The following MAPKAPK2 variants were observed in gnomAD, a reference collection of about 807,000 sequenced individuals.
MAPKAPK2 encodes the protein MAPK activated protein kinase 2.
A neutral mutation model predicts 48.8 loss-of-function variants in MAPKAPK2; 9 were observed. The ratio of observed to expected loss-of-function variants is 0.18; its 90% CI spans 0.11 to 0.32. MAPKAPK2 has a LOEUF of 0.32. Among genes scored for constraint, MAPKAPK2 ranks in the 10% least tolerant of loss-of-function variants. The pLI is 1.00. For missense variants in MAPKAPK2, 331 were observed against 498.3 expected (o/e 0.66, Z 3.20); for synonymous variants, 202 against 190.6 (o/e 1.06, Z -0.49).
intron 1 of MAPKAPK2, chr1:206,696,169 A>G: frequency 4.5e-6 from 7 of 1,568,018 alleles, no homozygotes; most frequent in Non-Finnish European, 2.6e-6. Flanking sequence ...GAAGGATGCA[A>G]AGATATGGCA....
intron 1 of MAPKAPK2, among the ~76,000 whole-genome samples, chr1:206,715,653 G>C (rs1673305277): frequency 6.8e-6 from 1 of 146,122 alleles, no homozygotes; most frequent in Non-Finnish European, 1.5e-5. Context: ...TTGAGATAGG[G>C]TCTCACTCTG....
chr1:206,695,754 G>T (rs898651048), intron 1 of MAPKAPK2: 1 of 274,094 alleles, frequency 3.6e-6, no homozygotes. Context: ...CATGTGCAAG[G>T]CATCTCTCTC....
At chr1:206,717,971 A>G (rs1553430631) in intron 1 of MAPKAPK2, among the ~76,000 whole-genome samples, 1 of 152,168 alleles carries the variant, frequency 6.6e-6, no homozygotes, top group Non-Finnish European at 1.5e-5. Context: ...AAAAACTTAA[A>G]CATCTACAAT....
chr1:206,731,290 G>A lies in MAPKAPK2; in HGVS notation c.892+28G>A. The A allele has an allele frequency of 6.2e-7, 1 of 1,611,088 alleles. No homozygotes were observed. The highest frequency in any genetic ancestry group is 2.2e-5 in the East Asian group (1 of 44,848). ...AAGAACCCAGGCTTTCAGGACAAGG[G>A]GAAGAGCCCGTGTGTGTGTGTGTGT... is the stretch of plus-strand genomic sequence containing the variant. On this transcript the variant is annotated intron_variant, in intron 7 of 9. Transcript: ENST00000367103. This position sits in a 1 kb window ranked among gnomAD's most constrained non-coding sequence, Gnocchi z 5.9.
At chr1:206,688,604 A>G (rs189124447) in intron 1 of MAPKAPK2, among the ~76,000 whole-genome samples, 7 of 152,016 alleles carry the variant, frequency 4.6e-5, no homozygotes, top group Admixed American at 4.6e-4. Flanking sequence ...CTTACTTACT[A>G]TTTTTTGTAC....
At chr1:206,711,875 G>A (rs528392600) in intron 1 of MAPKAPK2, among the ~76,000 whole-genome samples, 8 of 152,064 alleles carry the variant, frequency 5.3e-5, no homozygotes, top group South Asian at 2.1e-4. Flanking sequence ...CATCTGCCTC[G>A]GCCTCTCAAA....
chr1:206,724,994 C>CTAATTTTACTTTT (rs777795193), intron 1 of MAPKAPK2, among the ~76,000 whole-genome samples: 16,036 of 152,164 alleles, frequency 0.11, 1,165 homozygotes, highest in Middle Eastern at 0.16. Flanking sequence ...ATGAGGAAAC[C>CTAATTTTACTTTT]CTTTCCAGAA....
chr1:206,691,269 A>G (rs1469529361), intron 1 of MAPKAPK2, among the ~76,000 whole-genome samples: 1 of 151,938 alleles, frequency 6.6e-6, no homozygotes, highest in Non-Finnish European at 1.5e-5. Flanking sequence ...TTTGGTTGCT[A>G]GAAGACTGTA....
intron 5 of MAPKAPK2, 96 bp from the exon 6 acceptor site, chr1:206,730,592 C>A: frequency 2.8e-6 from 3 of 1,069,544 alleles, no homozygotes; most frequent in South Asian, 2.6e-5. Context: ...TCATGATAGG[C>A]TGAAAGGTTG....
chr1:206,728,872 C>T (rs1459637590), intron 2 of MAPKAPK2, 23 bp downstream of exon 2: 2 of 1,612,908 alleles, frequency 1.2e-6, no homozygotes, highest in African/African-American at 2.7e-5. Flanking sequence ...TGTTCTAGTC[C>T]CGGCCCAGCC....
Position 206,731,545 on chromosome 1 carries a change from C to G in MAPKAPK2, c.893-95C>G. On this transcript the variant is annotated intron_variant, in intron 7 of 9. Transcript: ENST00000367103. The surrounding 1 kb of genome is among the most constrained non-coding windows in gnomAD (Gnocchi z 5.9). The stretch of plus-strand genomic sequence containing the variant: ...CCGGCAGCCTGCCTCCATGCACCCC[C>G]TCTTTGAACCTGGTTTCCCCATGAA... 1.7e-6 allele frequency: 2 copies of G among 1,209,864 alleles called. No individual in the cohort carries two copies. Among genetic ancestry groups the G allele is most frequent in the Admixed American group, 3.4e-5 (2 of 58,906 alleles). The allele number at this position is 1,209,864 out of a possible 1,614,324, so 74.9% of individuals were successfully genotyped here.
Position 206,730,025 on chromosome 1 carries a change from T to C in MAPKAPK2, c.618T>C (p.Thr206=). The C allele has an allele frequency of 6.2e-7, 1 of 1,614,262 alleles. No individual in the cohort carries two copies. The highest frequency in any genetic ancestry group is 8.5e-7 in the Non-Finnish European group (1 of 1,180,036). The stretch of plus-strand genomic sequence containing the variant: ...GGCCCAACGCCATCCTGAAACTCAC[T>C]GACTTTGGCTTTGCCAAGGAAACCA... ...SKRPNAILKL[T]DFGFAKETTS... The change falls in exon 5 of 10, where the codon ACT becomes ACC. Residue 206 remains threonine (T), a synonymous_variant. Coordinates refer to ENST00000367103, the MANE Select transcript of MAPKAPK2 (RefSeq NM_032960.4).
rs1673975314 is a variant in MAPKAPK2 at position 206,732,922 on chromosome 1, A to G, written c.*204A>G. The G allele has an allele frequency of 3.5e-6, 2 of 577,964 alleles. No homozygotes were observed. The highest frequency in any genetic ancestry group is 6.0e-6 in the Non-Finnish European group (2 of 335,862). The allele number at this position is 577,964 out of a possible 1,614,324, so 35.8% of individuals were successfully genotyped here. Reference sequence around the variant, plus strand: ...GCTGGGAGGTTGGGAGGCTGTGGAGAGAAGTGAGCAAGGTGCTCTTGAACC... The same window carrying G: ...GCTGGGAGGTTGGGAGGCTGTGGAGGGAAGTGAGCAAGGTGCTCTTGAACC... On this transcript the variant is annotated 3_prime_UTR_variant, in exon 10 of 10. Coordinates refer to ENST00000367103, the MANE Select transcript of MAPKAPK2 (RefSeq NM_032960.4). The surrounding 1 kb of genome is among the most constrained non-coding windows in gnomAD (Gnocchi z 4.4).
At chr1:206,730,849 A>G in intron 6 of MAPKAPK2, 86 bp downstream of exon 6, 1 of 1,415,790 alleles carries the variant, frequency 7.1e-7, no homozygotes, top group Non-Finnish European at 1.0e-6. Context: ...GGCAGACGTT[A>G]GCATTCCCCT....
intron 1 of MAPKAPK2, among the ~76,000 whole-genome samples, chr1:206,718,405 G>A (rs782732488): frequency 1.8e-4 from 28 of 151,972 alleles, no homozygotes; most frequent in African/African-American, 5.6e-4. Context: ...GGTGGTGGGC[G>A]CCTGTAGTCC....
intron 1 of MAPKAPK2, among the ~76,000 whole-genome samples, chr1:206,720,461 C>T (rs1487063387): frequency 6.6e-6 from 1 of 152,208 alleles, no homozygotes; most frequent in African/African-American, 2.4e-5. Flanking sequence ...AAGTGATTTT[C>T]CCACCTCAGC....
At chr1:206,701,008 C>T (rs941104456) in intron 1 of MAPKAPK2, among the ~76,000 whole-genome samples, 2 of 152,190 alleles carry the variant, frequency 1.3e-5, no homozygotes, top group Non-Finnish European at 2.9e-5. Flanking sequence ...ACTGTGTTCC[C>T]TGTACCTGTT....
intron 1 of MAPKAPK2, among the ~76,000 whole-genome samples, chr1:206,717,799 C>G (rs1553430586): frequency 6.6e-6 from 1 of 151,942 alleles, no homozygotes; most frequent in Non-Finnish European, 1.5e-5. Context: ...AACCCTTTTA[C>G]TTAATTTTTT....
At chr1:206,719,102 T>C (rs969268658) in intron 1 of MAPKAPK2, among the ~76,000 whole-genome samples, 44 of 152,368 alleles carry the variant, frequency 2.9e-4, no homozygotes, top group African/African-American at 1.0e-3. Context: ...TGCCTGTTCT[T>C]ATCGTTTGGC....
Sources: gnomAD v4.1 joint callset for allele counts (sites outside exome capture counted in the v4.1 genomes callset) on GRCh38, gnomAD v4.1.1 for gene constraint, Gnocchi (gnomAD v3.1) non-coding constraint, MANE v1.5 for transcripts, NCBI Gene and HGNC (gene_info 2026-07-23, HGNC 2026-07-21) for gene names.